CDK17: variants seen among roughly 807,000 people sequenced by gnomAD.
CDK17 encodes the protein cyclin dependent kinase 17.
CDK17 carries 24 observed loss-of-function variants against 77.6 expected under a neutral mutation model. The observed-to-expected ratio is 0.31, with a 90% CI of 0.22 to 0.44. The LOEUF (loss-of-function observed/expected upper bound fraction) is 0.44, where lower values mean the gene tolerates loss of function less well. Ranked by LOEUF, CDK17 falls within the 20% of genes least tolerant of loss-of-function variation. CDK17 has a pLI of 1.00. For missense variants in CDK17, 429 were observed against 622.5 expected (o/e 0.69, Z 3.31); for synonymous variants, 203 against 210.4 (o/e 0.96, Z 0.30).
chr12:96,351,268 T>G (rs1953307785), intron 1 of CDK17, among the ~76,000 whole-genome samples: 1 of 150,064 alleles, frequency 6.7e-6, no homozygotes. Context: ...CTCAAAAAAC[T>G]AAACACAGAA....
intron 1 of CDK17, among the ~76,000 whole-genome samples, chr12:96,340,173 T>C (rs1953103456): frequency 6.6e-6 from 1 of 151,940 alleles, no homozygotes; most frequent in South Asian, 2.1e-4. Flanking sequence ...CACATAAACC[T>C]TAACCTTTTC....
chr12:96,295,377 T>C (rs1414528215), intron 9 of CDK17: 3 of 230,356 alleles, frequency 1.3e-5, no homozygotes, highest in Non-Finnish European at 2.5e-5. Context: ...TTTTAAAAAG[T>C]AACTTCCTCC....
intron 1 of CDK17, among the ~76,000 whole-genome samples, chr12:96,358,370 T>TTAA (rs1555205253): frequency 2.8e-5 from 1 of 35,182 alleles, no homozygotes; most frequent in African/African-American, 1.2e-4. Flanking sequence ...TGCAAACTTG[T>TTAA]AAAAAAAAAA....
intron 1 of CDK17, among the ~76,000 whole-genome samples, chr12:96,373,409 A>G (rs1385370423): frequency 1.3e-5 from 2 of 151,512 alleles, no homozygotes; most frequent in African/African-American, 4.9e-5. Flanking sequence ...CCTGGCCAAC[A>G]TGGCGAAACC....
rs562341818 is a variant in CDK17 at position 96,341,344 on chromosome 12, C to T, written c.-29-6479G>A. Among the ~76,000 whole-genome samples, 85 of 149,910 alleles carry T rather than the reference C, an allele frequency of 5.7e-4. 1 individual carries two copies. The highest frequency in any genetic ancestry group is 6.8e-3 in the Middle Eastern group (2 of 294). ...ACACACACACACACACACACACACA[C>T]GTCTCATATATGTACGTGTGTGTAC... On this transcript the variant is annotated intron_variant, in intron 1 of 16. Coordinates refer to ENST00000261211, the MANE Select transcript of CDK17 (RefSeq NM_002595.5).
chr12:96,396,556 T>C (rs968892620), intron 1 of CDK17, among the ~76,000 whole-genome samples: 3 of 152,224 alleles, frequency 2.0e-5, no homozygotes, highest in African/African-American at 4.8e-5. Flanking sequence ...AAAATGCCAT[T>C]ATCACTTTAT....
intron 2 of CDK17, among the ~76,000 whole-genome samples, chr12:96,333,576 A>G (rs1383772504): frequency 6.6e-6 from 1 of 151,488 alleles, no homozygotes. Context: ...CAGGAGGCTG[A>G]GGCAGGAGAA....
intron 4 of CDK17, among the ~76,000 whole-genome samples, chr12:96,313,070 G>A (rs1384864385): frequency 4.0e-5 from 6 of 151,704 alleles, no homozygotes; most frequent in Middle Eastern, 3.4e-3. Flanking sequence ...ATAACGTTTC[G>A]CAAAAAATTA....
intron 1 of CDK17, among the ~76,000 whole-genome samples, chr12:96,389,139 T>A (rs1409949857): frequency 6.6e-6 from 1 of 151,770 alleles, no homozygotes; most frequent in Non-Finnish European, 1.5e-5. Flanking sequence ...TAATTTTTTT[T>A]TTTTTTTAAT....
intron 5 of CDK17, among the ~76,000 whole-genome samples, chr12:96,305,145 T>C (rs898081459): frequency 3.9e-5 from 6 of 152,236 alleles, no homozygotes; most frequent in Non-Finnish European, 8.8e-5. Context: ...ACTATTCTAA[T>C]ATTTAACTAA....
intron 1 of CDK17, among the ~76,000 whole-genome samples, chr12:96,392,460 T>C (rs928467266): frequency 2.6e-5 from 4 of 152,020 alleles, no homozygotes; most frequent in African/African-American, 9.7e-5. Context: ...AGCCAGTAAA[T>C]CAGATAAGAC....
intron 5 of CDK17, chr12:96,303,069 T>G (rs1952529337): frequency 6.6e-6 from 1 of 152,138 alleles, no homozygotes. Flanking sequence ...TTTTAGAAAA[T>G]TTTGCTTGCA....
intron 1 of CDK17, among the ~76,000 whole-genome samples, chr12:96,372,824 T>C (rs764145240): frequency 1.7e-4 from 26 of 152,322 alleles, no homozygotes; most frequent in Non-Finnish European, 2.4e-4. Context: ...TGATAGCCTT[T>C]AAAAAATGTT....
At chr12:96,350,244 T>C (rs1193720240) in intron 1 of CDK17, among the ~76,000 whole-genome samples, 6 of 151,944 alleles carry the variant, frequency 3.9e-5, no homozygotes, top group Non-Finnish European at 8.8e-5. Context: ...GGTGCTCTTT[T>C]GCAGAAAAAG....
chr12:96,303,073 G>A (rs1381400226), intron 5 of CDK17: 4 of 152,048 alleles, frequency 2.6e-5, no homozygotes, highest in African/African-American at 7.2e-5. Flanking sequence ...AGAAAATTTT[G>A]CTTGCATTTT....
At chr12:96,381,222 A>G (rs1040870824) in intron 1 of CDK17, among the ~76,000 whole-genome samples, 9 of 152,216 alleles carry the variant, frequency 5.9e-5, no homozygotes, top group African/African-American at 1.4e-4. Flanking sequence ...ATCCATATAG[A>G]TAACATTTCA....
chr12:96,383,917 T>C (rs1215471444), intron 1 of CDK17, among the ~76,000 whole-genome samples: 1 of 152,150 alleles, frequency 6.6e-6, no homozygotes, highest in Admixed American at 6.6e-5. Context: ...AAGCAGGACG[T>C]AATGAAACTA....
At chr12:96,350,536 T>C (rs545052121) in intron 1 of CDK17, among the ~76,000 whole-genome samples, 4 of 152,092 alleles carry the variant, frequency 2.6e-5, no homozygotes, top group Non-Finnish European at 5.9e-5. Context: ...TAGATATATA[T>C]AGACCAACAG....
At chr12:96,297,523 A>C in intron 8 of CDK17, 104 bp downstream of exon 8, 1 of 870,782 alleles carries the variant, frequency 1.1e-6, no homozygotes, top group Non-Finnish European at 1.9e-6. Context: ...CAATTTAGCT[A>C]AGCACAGCTG....
Sources: allele counts gnomAD v4.1 joint callset (sites outside exome capture counted in the v4.1 genomes callset), GRCh38; gene constraint gnomAD v4.1.1; transcripts MANE v1.5; gene names NCBI Gene and HGNC (gene_info 2026-07-23, HGNC 2026-07-21).